EDC4: variants seen among roughly 807,000 people sequenced by gnomAD.
The protein encoded by EDC4 is enhancer of mRNA-decapping protein 4.
In EDC4, 64 loss-of-function variants were observed where a neutral mutation model predicts 155.8. That is an observed-to-expected ratio of 0.41 (90% CI 0.34 to 0.51). The LOEUF is 0.51. EDC4 is among the 20% of genes least tolerant of loss of function. EDC4 has a pLI of 0.19. For synonymous variants in EDC4, 684 were observed against 716.8 expected, an observed-to-expected ratio of 0.95 and a Z score of 0.73; for missense variants, 1,303 against 1,812.5, an observed-to-expected ratio of 0.72 and a Z score of 5.10.
At position 67,873,183 on chromosome 16, in the gene EDC4, T is replaced by C. The variant is rs2058026531; in HGVS notation, c.-79T>C. ...ACCGGCGTCCCGCTGTCTCGCCCCG[T>C]GGCGGGTGAGCGAGGGTGCGTGGTG... On this transcript the variant is annotated 5_prime_UTR_variant, in exon 1 of 29. Transcript: ENST00000358933. The C allele has an allele frequency of 8.9e-7, 1 of 1,124,748 alleles. No individual in the cohort carries two copies. Among genetic ancestry groups the C allele is most frequent in the Non-Finnish European group, 1.2e-6 (1 of 852,704 alleles). 69.7% of individuals were successfully genotyped at this position (1,124,748 alleles called of 1,614,324 possible). A position where few individuals can be genotyped will look rare whatever the true frequency, so the allele number is the denominator to read the frequency against.
At position 67,882,185 on chromosome 16, in the gene EDC4, C is replaced by A; in HGVS notation, c.3161-27C>A. Reference sequence around the variant, plus strand: ...ACCTGTCAAGCTTCTTCTCATGGCTCCACCTCACCCTCTTCCCCTCTCCCA... The same window carrying A: ...ACCTGTCAAGCTTCTTCTCATGGCTACACCTCACCCTCTTCCCCTCTCCCA... On this transcript the variant is annotated intron_variant, in intron 23 of 28. Coordinates refer to ENST00000358933, the MANE Select transcript of EDC4 (RefSeq NM_014329.5). The surrounding 1 kb of genome is among the most constrained non-coding windows in gnomAD (Gnocchi z 7.2). 6.2e-7 allele frequency: 1 copy of A among 1,613,304 alleles called. No individual in the cohort carries two copies. Among genetic ancestry groups the A allele is most frequent in the Non-Finnish European group, 8.5e-7 (1 of 1,179,716 alleles).
chr16:67,884,305 C>T lies in EDC4; in HGVS notation c.*157C>T, dbSNP rs993324845. 7 of 697,322 alleles carry T rather than the reference C, an allele frequency of 1.0e-5. No individual in the cohort carries two copies. The highest frequency in any genetic ancestry group is 9.3e-5 in the Admixed American group (3 of 32,360). 43.2% of individuals were successfully genotyped at this position (697,322 alleles called of 1,614,324 possible). A position where few individuals can be genotyped will look rare whatever the true frequency, so the allele number is the denominator to read the frequency against. ...AGGGAGCACTGGCCGTGGTCTACAGCGTGTGGTAGTCAGAAGGTTTAGCTG... is the reference window on the plus strand; with the variant it reads ...AGGGAGCACTGGCCGTGGTCTACAGTGTGTGGTAGTCAGAAGGTTTAGCTG... On this transcript the variant is annotated 3_prime_UTR_variant, in exon 29 of 29. Coordinates refer to ENST00000358933, the MANE Select transcript of EDC4 (RefSeq NM_014329.5). This position sits in a 1 kb window ranked among gnomAD's most constrained non-coding sequence, Gnocchi z 4.1.
Position 67,884,168 on chromosome 16 carries a change from CA to C in EDC4, c.*21del. ...CCTTAGCTGCTAAGCCTGCCTTGCC[CA>C]GGGGTGGGATGGCACTGAAGGCCAG... On this transcript the variant is annotated 3_prime_UTR_variant, in exon 29 of 29. Coordinates refer to ENST00000358933, the MANE Select transcript of EDC4 (RefSeq NM_014329.5). This position sits in a 1 kb window ranked among gnomAD's most constrained non-coding sequence, Gnocchi z 4.1. 6.3e-7 allele frequency: 1 copy of C among 1,588,464 alleles called. No individual in the cohort carries two copies. Among genetic ancestry groups the C allele is most frequent in the Non-Finnish European group, 8.6e-7 (1 of 1,165,680 alleles).
rs2058077610 is a variant in EDC4, at chr16:67,883,153, C to G, written c.3825C>G (p.Gly1275=). 6.3e-7 allele frequency: 1 copy of G among 1,592,106 alleles called. No homozygotes were observed. The highest frequency in any genetic ancestry group is 1.8e-5 in the Admixed American group (1 of 56,656). Residue 1275 remains glycine (G), a synonymous_variant, in exon 27 of 29, where the codon GGC becomes GGG. Transcript: ENST00000358933. The surrounding 1 kb of genome is among the most constrained non-coding windows in gnomAD (Gnocchi z 5.3). ...ATATCCTGCAGCTGCTGCAGCAGGG[C>G]CACCTCAATCAGGCCTTCCAGCAGG... ...QAHILQLLQQ[G]HLNQAFQQAL... is the part of the protein sequence containing the mutation.
At position 67,876,604 on chromosome 16, in the gene EDC4, G is replaced by C. The variant is rs749240790; in HGVS notation, c.351+5G>C. 1 of 1,613,774 alleles carries C rather than the reference G, an allele frequency of 6.2e-7. No individual in the cohort carries two copies. The highest frequency in any genetic ancestry group is 8.5e-7 in the Non-Finnish European group (1 of 1,179,922). On this transcript the variant is annotated splice_donor_5th_base_variant and intron_variant, in intron 3 of 28. Coordinates refer to ENST00000358933, the MANE Select transcript of EDC4 (RefSeq NM_014329.5). This position sits in a 1 kb window ranked among gnomAD's most constrained non-coding sequence, Gnocchi z 5.8. Reference sequence around the variant, plus strand: ...AAGGCCCGGGGAAGCAACAAGGTAGGTACTGGGATGCTGTGGCATATATAA... The same window carrying C: ...AAGGCCCGGGGAAGCAACAAGGTAGCTACTGGGATGCTGTGGCATATATAA...
In EDC4 at chr16:67,877,613, G is replaced by A; in HGVS notation, c.746G>A (p.Cys249Tyr). Residue 249 changes from cysteine (C) to tyrosine (Y), a missense_variant, in exon 6 of 29, where the codon TGT (cysteine) becomes TAT (tyrosine). Coordinates refer to ENST00000358933, the MANE Select transcript of EDC4 (RefSeq NM_014329.5). The surrounding 1 kb of genome is among the most constrained non-coding windows in gnomAD (Gnocchi z 4.9). ...PFIPEESEDC[C>Y]EESSPTVALL... ...ATCCCTGAGGAGAGCGAAGACTGCT[G>A]TGAGGAGAGCAGCCCAACAGTGGCC... is the stretch of plus-strand genomic sequence containing the variant. The A allele has an allele frequency of 6.2e-7, 1 of 1,614,202 alleles. No homozygotes were observed. The highest frequency in any genetic ancestry group is 8.5e-7 in the Non-Finnish European group (1 of 1,180,036).
chr16:67,873,386 A>C (rs1012271979), intron 1 of EDC4, 43 bp downstream of exon 1: 26 of 1,387,374 alleles, frequency 1.9e-5, no homozygotes, highest in Admixed American at 1.7e-4. Flanking sequence ...GAGCTGACAA[A>C]AGGGCGGCGC....
In EDC4 at chr16:67,877,704, G is replaced by T. The variant is rs1428374145; in HGVS notation, c.790-37G>T. The T allele has an allele frequency of 2.5e-6, 4 of 1,613,982 alleles. No homozygotes were observed. The South Asian group carries it at 4.4e-5, about 18-fold the overall frequency. ...GAGGCGCCAGAGAAGCCATAGTGTG[G>T]GGTTGGGCTGCACACTCACCTCCCT... On this transcript the variant is annotated intron_variant, in intron 6 of 28. Transcript: ENST00000358933. The surrounding 1 kb of genome is among the most constrained non-coding windows in gnomAD (Gnocchi z 4.9).
chr16:67,883,940 TC>T lies in EDC4; in HGVS notation c.4014-9del, dbSNP rs561769980. ...TGGCACCCACCTGTAGCCTGTCCTT[TC>T]CCCCCCATCCCCAGCTACCTGGAAG... On this transcript the variant is annotated splice_polypyrimidine_tract_variant and intron_variant, in intron 28 of 28. Coordinates refer to ENST00000358933, the MANE Select transcript of EDC4 (RefSeq NM_014329.5). The surrounding 1 kb of genome is among the most constrained non-coding windows in gnomAD (Gnocchi z 5.3). The T allele has an allele frequency of 1.4e-4, 229 of 1,581,084 alleles. 1 individual carries two copies. In the African/African-American group the frequency reaches 2.5e-3, roughly 17 times the overall value.
At position 67,876,970 on chromosome 16, in the gene EDC4, G is replaced by A. The variant is rs1031495910; in HGVS notation, c.449G>A (p.Arg150Gln). The change falls in exon 4 of 29, where the codon CGG (arginine) becomes CAG (glutamine). Residue 150 changes from arginine to glutamine, a missense_variant and splice_region_variant. By Grantham distance (43) the Arg-to-Gln change is conservative (BLOSUM62 1). Coordinates refer to ENST00000358933, the MANE Select transcript of EDC4 (RefSeq NM_014329.5). This position sits in a 1 kb window ranked among gnomAD's most constrained non-coding sequence, Gnocchi z 5.8. ...AACTCCTTCTTGGCCTATGCCATTCGGGGTGAGTAAAGACAGTGAGGAGGA... is the reference window on the plus strand; with the variant it reads ...AACTCCTTCTTGGCCTATGCCATTCAGGGTGAGTAAAGACAGTGAGGAGGA... Reference protein sequence around the residue: ...VSNSFLAYAIRAANNGSAMVR... With the variant: ...VSNSFLAYAIQAANNGSAMVR... 5 of 1,614,080 alleles carry A rather than the reference G, an allele frequency of 3.1e-6. No individual in the cohort carries two copies. Among genetic ancestry groups the A allele is most frequent in the Non-Finnish European group, 4.2e-6 (5 of 1,179,952 alleles).
In EDC4 at chr16:67,880,843, T is replaced by G. The variant is rs879181576; in HGVS notation, c.2384T>G (p.Leu795Arg). 6.2e-7 allele frequency: 1 copy of G among 1,613,902 alleles called. No individual in the cohort carries two copies. The change falls in exon 18 of 29, where the codon CTT (leucine) becomes CGT (arginine). Residue 795 changes from leucine (L) to arginine (R), a missense_variant. Leu to Arg is a moderately radical substitution (Grantham distance 102). Around this residue, in one of 5 missense-constraint regions of EDC4, gnomAD observed 391 missense variants for 445.4 expected, o/e 0.88. Transcript: ENST00000358933. This position sits in a 1 kb window ranked among gnomAD's most constrained non-coding sequence, Gnocchi z 5.2. ...CCCGAGCTCGGCCCCCAGCTCGGGCTTGATGGAGGCCCTGGGGATGGAGAT... is the reference window on the plus strand; with the variant it reads ...CCCGAGCTCGGCCCCCAGCTCGGGCGTGATGGAGGCCCTGGGGATGGAGAT... ...PGPELGPQLG[L>R]DGGPGDGDRH... is the part of the protein sequence containing the mutation.
In EDC4 at chr16:67,881,376, A is replaced by T; in HGVS notation, c.2748A>T (p.Arg916=). Residue 916 remains arginine, a synonymous_variant, in exon 20 of 29, where the codon CGA becomes CGT. Coordinates refer to ENST00000358933, the MANE Select transcript of EDC4 (RefSeq NM_014329.5). This position sits in a 1 kb window ranked among gnomAD's most constrained non-coding sequence, Gnocchi z 5.4. ...ACTGGAAGACCAAGGGATCCCCTCG[A>T]ACCTCACCCAAGCTCAAGAGGAAAA... is the stretch of plus-strand genomic sequence containing the variant. The part of the protein sequence containing the change: ...AKDWKTKGSP[R]TSPKLKRKSK... 1.9e-6 allele frequency: 3 copies of T among 1,614,176 alleles called. No homozygotes were observed. Among genetic ancestry groups the T allele is most frequent in the Non-Finnish European group, 2.5e-6 (3 of 1,180,020 alleles).
rs1282762688 is a variant in EDC4 at position 67,879,271 on chromosome 16, G to A, written c.1503G>A (p.Ala501=). The change falls in exon 13 of 29, where the codon GCG becomes GCA. Residue 501 remains alanine (A), a synonymous_variant. Transcript: ENST00000358933. The surrounding 1 kb of genome is among the most constrained non-coding windows in gnomAD (Gnocchi z 6.0). ...ATGGAGCCGGTGCCATGGAGTCTGC[G>A]GCCGGTGTGCTCATCAAGCTCTTTT... ...GTHGAGAMES[A]AGVLIKLFCV... 15 of 1,614,076 alleles carry A rather than the reference G, an allele frequency of 9.3e-6. No individual in the cohort carries two copies. The highest frequency in any genetic ancestry group is 1.6e-4 in the Middle Eastern group (1 of 6,084).
intron 1 of EDC4, among the ~76,000 whole-genome samples, chr16:67,875,093 G>C (rs2151303997): frequency 6.6e-6 from 1 of 152,292 alleles, no homozygotes; most frequent in South Asian, 2.1e-4. Context: ...TGAATGTGGA[G>C]CCCTAGGCTC....
At position 67,884,214 on chromosome 16, in the gene EDC4, G is replaced by A; in HGVS notation, c.*66G>A. On this transcript the variant is annotated 3_prime_UTR_variant, in exon 29 of 29. Coordinates refer to ENST00000358933, the MANE Select transcript of EDC4 (RefSeq NM_014329.5). The surrounding 1 kb of genome is among the most constrained non-coding windows in gnomAD (Gnocchi z 4.1). Reference sequence around the variant, plus strand: ...GGCCAGCAGACAGGCCTAGGCTGGGGCAGGGTCACGGCTGGCCTTTACCTG... The same window carrying A: ...GGCCAGCAGACAGGCCTAGGCTGGGACAGGGTCACGGCTGGCCTTTACCTG... 1 of 1,447,378 alleles carries A rather than the reference G, an allele frequency of 6.9e-7. No homozygotes were observed. Among genetic ancestry groups the A allele is most frequent in the South Asian group, 1.3e-5 (1 of 75,164 alleles). 89.7% of individuals were successfully genotyped at this position (1,447,378 alleles called of 1,614,324 possible).
chr16:67,881,914 A>C lies in EDC4; in HGVS notation c.3005-40A>C, dbSNP rs1253869354. ...CAGCATTCTTGGCCTGGGAAGGAGT[A>C]CACGACCTGCTCCAGGCCCGTTCCT... On this transcript the variant is annotated intron_variant, in intron 22 of 28. Transcript: ENST00000358933. The surrounding 1 kb of genome is among the most constrained non-coding windows in gnomAD (Gnocchi z 5.4). 3.1e-6 allele frequency: 5 copies of C among 1,603,584 alleles called. No individual in the cohort carries two copies. The South Asian group carries it at 5.5e-5, about 18-fold the overall frequency.
rs747465973 is a variant in EDC4 at position 67,879,882 on chromosome 16, T to TAGC, written c.1872_1874dup (p.Ser629dup). 79 of 1,610,368 alleles carry TAGC rather than the reference T, an allele frequency of 4.9e-5. No homozygotes were observed. Among genetic ancestry groups the TAGC allele is most frequent in the Middle Eastern group, 3.3e-4 (2 of 6,048 alleles). On this transcript the variant is annotated inframe_insertion, in exon 16 of 29. Transcript: ENST00000358933. The surrounding 1 kb of genome is among the most constrained non-coding windows in gnomAD (Gnocchi z 6.0). ...CCTCTCCCAGCAGCAGCAGCAGCGGTAGCAGCAGCAGCAGCAGCAGTAGCA... is the reference window on the plus strand; with the variant it reads ...CCTCTCCCAGCAGCAGCAGCAGCGGTAGCAGCAGCAGCAGCAGCAGCAGTAGCA...
Position 67,884,246 on chromosome 16 carries a change from C to A in EDC4, c.*98C>A, listed in dbSNP as rs2058083734. The A allele has an allele frequency of 3.4e-6, 4 of 1,179,136 alleles. No individual in the cohort carries two copies. In the East Asian group the frequency reaches 1.0e-4, roughly 31 times the overall value. 73.0% of individuals were successfully genotyped at this position (1,179,136 alleles called of 1,614,324 possible). A position where few individuals can be genotyped will look rare whatever the true frequency, so the allele number is the denominator to read the frequency against. Reference sequence around the variant, plus strand: ...CACGGCTGGCCTTTACCTGCTCAGGCCCCCATCTCTGGGGTGTTTGGGGGT... The same window carrying A: ...CACGGCTGGCCTTTACCTGCTCAGGACCCCATCTCTGGGGTGTTTGGGGGT... On this transcript the variant is annotated 3_prime_UTR_variant, in exon 29 of 29. Transcript: ENST00000358933. This position sits in a 1 kb window ranked among gnomAD's most constrained non-coding sequence, Gnocchi z 4.1.
chr16:67,880,209 CG>C lies in EDC4; in HGVS notation c.2093del (p.Gly698AlafsTer118). On this transcript the variant is annotated frameshift_variant, in exon 17 of 29. Transcript: ENST00000358933. LOFTEE classifies it high-confidence loss of function. This position sits in a 1 kb window ranked among gnomAD's most constrained non-coding sequence, Gnocchi z 5.2. The stretch of plus-strand genomic sequence containing the variant: ...GCTGACAAACTGACTCCCAAGGGGC[CG>C]GGCCAGGTGTGTGACTGGGTGTGTG... ...APADKLTPKG[P>X]GQVPTATSAL... is the part of the protein sequence containing the mutation. The C allele has an allele frequency of 6.2e-7, 1 of 1,605,194 alleles. No homozygotes were observed. Among genetic ancestry groups the C allele is most frequent in the Non-Finnish European group, 8.5e-7 (1 of 1,177,070 alleles).
Sources: allele counts gnomAD v4.1 joint callset (sites outside exome capture counted in the v4.1 genomes callset), GRCh38; gene constraint gnomAD v4.1.1; regional missense constraint gnomAD v4.1.1; non-coding constraint Gnocchi (gnomAD v3.1); transcripts MANE v1.5; gene names NCBI Gene and HGNC (gene_info 2026-07-23, HGNC 2026-07-21).